CPNE2: variants seen among roughly 807,000 people sequenced by gnomAD.
CPNE2 encodes the protein copine-2.
In CPNE2, 42 loss-of-function variants were observed where a neutral mutation model predicts 69.7. The observed-to-expected ratio is 0.60, with a 90% CI of 0.47 to 0.78. The LOEUF is 0.78. Among genes scored for constraint, CPNE2 ranks in the 30% least tolerant of loss-of-function variants. The pLI is 0.00. For missense variants in CPNE2, 587 were observed against 732.0 expected, an observed-to-expected ratio of 0.80 and a Z score of 2.29; for synonymous variants, 294 against 289.8, an observed-to-expected ratio of 1.01 and a Z score of -0.15.
At chr16:57,145,758 G>A (rs888913363) in intron 14 of CPNE2, 9 of 343,412 alleles carry the variant, frequency 2.6e-5, no homozygotes, top group Non-Finnish European at 4.9e-5. Flanking sequence ...GTTGCCTAGA[G>A]TCCCACAGTA....
intron 12 of CPNE2, among the ~76,000 whole-genome samples, chr16:57,132,860 G>A (rs1175976084): frequency 6.6e-6 from 1 of 152,096 alleles, no homozygotes; most frequent in African/African-American, 2.4e-5. Context: ...AACCTCTGGG[G>A]CCTCTGGGGC....
intron 2 of CPNE2, among the ~76,000 whole-genome samples, chr16:57,111,267 C>T (rs1367509950): frequency 6.6e-6 from 1 of 151,442 alleles, no homozygotes; most frequent in Non-Finnish European, 1.5e-5. Flanking sequence ...ACCTCTGCCT[C>T]CCAGGCTCAA....
At chr16:57,140,868 A>ATTTTTTT (rs55901819) in intron 14 of CPNE2, 6 of 86,098 alleles carry the variant, frequency 7.0e-5, no homozygotes, top group African/African-American at 3.0e-4. Context: ...CCCGGCCGGG[A>ATTTTTTT]TTTTTTTTTT....
At chr16:57,132,428 G>A (rs778491366) in intron 12 of CPNE2, among the ~76,000 whole-genome samples, 4 of 152,178 alleles carry the variant, frequency 2.6e-5, no homozygotes, top group Non-Finnish European at 4.4e-5. Flanking sequence ...GGCTCAGAGA[G>A]GACAGTCACT....
intron 5 of CPNE2, among the ~76,000 whole-genome samples, chr16:57,118,720 A>T (rs150923209): frequency 6.6e-6 from 1 of 152,068 alleles, no homozygotes; most frequent in Admixed American, 6.6e-5. Flanking sequence ...AGTGAGTCAC[A>T]TACAAAAAGT....
intron 2 of CPNE2, among the ~76,000 whole-genome samples, chr16:57,112,182 C>T (rs1028008504): frequency 2.0e-5 from 3 of 152,158 alleles, no homozygotes; most frequent in Non-Finnish European, 4.4e-5. Flanking sequence ...TGTTGACCCA[C>T]TTTACAGAGG....
At chr16:57,115,175 G>T (rs549844882) in intron 3 of CPNE2, among the ~76,000 whole-genome samples, 1 of 152,286 alleles carries the variant, frequency 6.6e-6, no homozygotes, top group South Asian at 2.1e-4. Flanking sequence ...GGAGTTAGGG[G>T]GCTAACCTCC....
intron 2 of CPNE2, 177 bp from the exon 3 acceptor site, chr16:57,113,111 C>T: frequency 3.3e-6 from 2 of 614,688 alleles, no homozygotes; most frequent in Non-Finnish European, 5.6e-6. Context: ...GTCACTTAAC[C>T]TCTCTGTGCT....
At chr16:57,096,939 A>T (rs1310753373) in intron 1 of CPNE2, among the ~76,000 whole-genome samples, 2 of 151,998 alleles carry the variant, frequency 1.3e-5, no homozygotes, top group Admixed American at 6.5e-5. Context: ...CAGGGCCTTT[A>T]CACATGCTGG....
chr16:57,137,416 G>A (rs1009929535), intron 14 of CPNE2, 134 bp downstream of exon 14: 3 of 1,208,520 alleles, frequency 2.5e-6, no homozygotes, highest in East Asian at 2.6e-5. Flanking sequence ...TTCACGTATT[G>A]TAAAAGTTGA....
At chr16:57,131,251 C>T (rs2069836638) in intron 12 of CPNE2, among the ~76,000 whole-genome samples, 1 of 152,244 alleles carries the variant, frequency 6.6e-6, no homozygotes, top group South Asian at 2.1e-4. Flanking sequence ...CTCGCTCGGC[C>T]AGTGCCCCTT....
intron 12 of CPNE2, among the ~76,000 whole-genome samples, chr16:57,133,753 C>T (rs1370609239): frequency 6.6e-6 from 1 of 152,198 alleles, no homozygotes; most frequent in Non-Finnish European, 1.5e-5. Context: ...CCAGCTCTGC[C>T]CGCCAGGAAA....
chr16:57,130,938 G>A lies in CPNE2; in HGVS notation c.1116+3035G>A, dbSNP rs2069833571. On this transcript the variant is annotated intron_variant, in intron 12 of 15. Coordinates refer to ENST00000290776, the MANE Select transcript of CPNE2 (RefSeq NM_152727.6). This position sits in a 1 kb window ranked among gnomAD's most constrained non-coding sequence, Gnocchi z 4.1. ...AGGTGTGGTTGTGGGTAGTCCTGGG[G>A]CAGGAGGCGGGGGCTCCTCATAGAA... Among the ~76,000 whole-genome samples, 1 of 152,206 alleles carries A rather than the reference G, an allele frequency of 6.6e-6. No homozygotes were observed. The highest frequency in any genetic ancestry group is 2.1e-4 in the South Asian group (1 of 4,820).
rs548156504 is a variant in CPNE2, at chr16:57,145,491, A to ACCTGCTTTAGCT, written c.1303-591_1303-580dup. On this transcript the variant is annotated intron_variant, in intron 14 of 15. Coordinates refer to ENST00000290776, the MANE Select transcript of CPNE2 (RefSeq NM_152727.6). Reference sequence around the variant, plus strand: ...ACTCCTGGAAGCCCTGGCCCAGACGACCTGCTTTAGCTCCCGCAAGGTGTC... The same window carrying ACCTGCTTTAGCT: ...ACTCCTGGAAGCCCTGGCCCAGACGACCTGCTTTAGCTCCTGCTTTAGCTCCCGCAAGGTGTC... 2.8e-3 allele frequency: 454 copies of ACCTGCTTTAGCT among 161,946 alleles called. 5 individuals are homozygous for ACCTGCTTTAGCT. The highest frequency in any genetic ancestry group is 0.011 in the African/African-American group (439 of 41,596). The allele number at this position is 161,946 out of a possible 1,614,324, so 10.0% of individuals were successfully genotyped here.
chr16:57,145,820 G>T, intron 14 of CPNE2: 2 of 504,202 alleles, frequency 4.0e-6, no homozygotes, highest in Non-Finnish European at 7.2e-6. Flanking sequence ...AGGCCCCAAG[G>T]GGGAGTCTAA....
At chr16:57,097,844 C>T (rs1351412166) in intron 1 of CPNE2, among the ~76,000 whole-genome samples, 1 of 152,234 alleles carries the variant, frequency 6.6e-6, no homozygotes, top group African/African-American at 2.4e-5. Context: ...CTCCCAAGGT[C>T]CCCTAAGTAC....
chr16:57,124,440 C>A (rs72777119), intron 10 of CPNE2: 20,878 of 452,044 alleles, frequency 0.046, 656 homozygotes, highest in Middle Eastern at 0.11. Flanking sequence ...GCATTTGTCG[C>A]TTCTCCCTGA....
chr16:57,146,298 G>A lies in CPNE2; in HGVS notation c.1516G>A (p.Val506Ile), dbSNP rs200681601. 2.8e-5 allele frequency: 44 copies of A among 1,553,574 alleles called. No individual in the cohort carries two copies. Among genetic ancestry groups the A allele is most frequent in the South Asian group, 1.9e-4 (16 of 84,180 alleles). Residue 506 changes from valine to isoleucine, a missense_variant, in exon 15 of 16, where the codon GTT (valine) becomes ATT (isoleucine). Physicochemically the swap from Val to Ile is conservative, Grantham distance 29. Around this residue, in one of 5 missense-constraint regions of CPNE2, gnomAD observed 185 missense variants for 252.3 expected, o/e 0.73. Coordinates refer to ENST00000290776, the MANE Select transcript of CPNE2 (RefSeq NM_152727.6). The surrounding 1 kb of genome is among the most constrained non-coding windows in gnomAD (Gnocchi z 4.4). ...GGCAGCCCGCGATATTGTGCAGTTC[G>A]TTCCCTTTCGAGAGTTCCGCAACGT... ...EEAARDIVQF[V>I]PFREFRNAAK... is the part of the protein sequence containing the mutation.
intron 8 of CPNE2, 55 bp from the exon 9 acceptor site, chr16:57,121,619 G>A (rs534971039): frequency 1.3e-6 from 2 of 1,533,566 alleles, no homozygotes; most frequent in East Asian, 2.2e-5. Context: ...CAAGGAGGAG[G>A]ATCTGTTTCC....
Sources: gnomAD v4.1 joint callset for allele counts (sites outside exome capture counted in the v4.1 genomes callset) on GRCh38, gnomAD v4.1.1 for gene constraint, gnomAD v4.1.1 regional missense constraint, Gnocchi (gnomAD v3.1) non-coding constraint, MANE v1.5 for transcripts, NCBI Gene and HGNC (gene_info 2026-07-23, HGNC 2026-07-21) for gene names.